Variants in GPM6A observed in about 807,000 individuals in gnomAD.
GPM6A encodes glycoprotein M6A, also known as neuronal membrane glycoprotein M6-a.
GPM6A carries 7 observed loss-of-function variants against 32.1 expected under a neutral mutation model. That is an observed-to-expected ratio of 0.22 (90% CI 0.12 to 0.41). The LOEUF is 0.41. Among genes scored for constraint, GPM6A ranks in the 10% least tolerant of loss-of-function variants. The pLI is 1.00. For missense variants in GPM6A, 235 were observed against 347.2 expected (o/e 0.68, Z 2.57); for synonymous variants, 130 against 123.4 (o/e 1.05, Z -0.35).
intron 1 of GPM6A, among the ~76,000 whole-genome samples, chr4:175,765,286 T>A (rs1330892225): frequency 6.6e-6 from 1 of 152,182 alleles, no homozygotes; most frequent in Non-Finnish European, 1.5e-5. Context: ...ATCACTGGCA[T>A]TGCACTAGAC....
intron 1 of GPM6A, 58 bp from the exon 2 acceptor site, chr4:175,701,825 T>C (rs1304079081): frequency 4.6e-6 from 6 of 1,294,780 alleles, no homozygotes; most frequent in African/African-American, 4.5e-5. Flanking sequence ...TTAATTTTTT[T>C]TTTCAAACTT....
At chr4:175,714,994 GAAAA>G (rs34494840) in intron 1 of GPM6A, among the ~76,000 whole-genome samples, 1 of 105,372 alleles carries the variant, frequency 9.5e-6, no homozygotes. Flanking sequence ...ATCCCTGGAA[GAAAA>G]AAAAAAAAAA....
At chr4:175,835,278 T>C (rs1264863290) in intron 1 of GPM6A, among the ~76,000 whole-genome samples, 1 of 152,138 alleles carries the variant, frequency 6.6e-6, no homozygotes, top group Non-Finnish European at 1.5e-5. Flanking sequence ...ATAGTGGAAA[T>C]TGACTTGCTT....
At chr4:175,779,994 A>C (rs989778942) in intron 1 of GPM6A, among the ~76,000 whole-genome samples, 1 of 151,998 alleles carries the variant, frequency 6.6e-6, no homozygotes, top group Non-Finnish European at 1.5e-5. Flanking sequence ...TGCTCAGTGA[A>C]AAAAAAATAG....
chr4:175,936,750 C>A (rs1422931195), intron 1 of GPM6A, among the ~76,000 whole-genome samples: 1 of 151,832 alleles, frequency 6.6e-6, no homozygotes, highest in Non-Finnish European at 1.5e-5. Flanking sequence ...TACCATAAAG[C>A]TAAAAGATAA....
chr4:175,839,007 T>A (rs1010114306), intron 1 of GPM6A, among the ~76,000 whole-genome samples: 2 of 152,110 alleles, frequency 1.3e-5, no homozygotes, highest in Admixed American at 1.3e-4. Context: ...ACTTCAGGAA[T>A]AATCAAAATA....
At chr4:175,938,720 T>A (rs1483654969) in intron 1 of GPM6A, among the ~76,000 whole-genome samples, 2 of 135,998 alleles carry the variant, frequency 1.5e-5, no homozygotes, top group Admixed American at 1.7e-4. Flanking sequence ...AAAATAAAAA[T>A]TTTTTTAAAG....
intron 1 of GPM6A, among the ~76,000 whole-genome samples, chr4:175,939,499 A>C (rs186407933): frequency 5.4e-4 from 82 of 152,338 alleles, no homozygotes; most frequent in Admixed American, 1.2e-3. Flanking sequence ...TAAAAGTACT[A>C]AATAAAAATC....
rs533578735 is a variant in GPM6A, at chr4:175,837,370, A to G, written c.-22-25121T>C. On this transcript the variant is annotated intron_variant, in intron 1 of 7. Transcript: ENST00000280187. Reference sequence around the variant, plus strand: ...GCATGTGATGTTTTAAGCTAAATTGATGGTAATTTGTTACAGCAGCAATAG... The same window carrying G: ...GCATGTGATGTTTTAAGCTAAATTGGTGGTAATTTGTTACAGCAGCAATAG... Among the ~76,000 whole-genome samples the G allele has an allele frequency of 5.3e-5, 8 of 152,300 alleles. No homozygotes were observed. In the South Asian group the frequency reaches 1.5e-3, roughly 28 times the overall value.
At chr4:175,690,380 G>C (rs536643119) in intron 2 of GPM6A, among the ~76,000 whole-genome samples, 1 of 152,176 alleles carries the variant, frequency 6.6e-6, no homozygotes, top group African/African-American at 2.4e-5. Flanking sequence ...CCTAAGTTAT[G>C]TGTTAATTTC....
rs78052895 is a variant in GPM6A, at chr4:175,717,275, C to A, written c.38-15508G>T. Among the ~76,000 whole-genome samples the A allele has an allele frequency of 2.6e-5, 4 of 152,280 alleles. 1 individual carries two copies. The East Asian group carries it at 7.7e-4, about 29-fold the overall frequency. On this transcript the variant is annotated intron_variant, in intron 1 of 6. Coordinates refer to ENST00000393658, the MANE Select transcript of GPM6A (RefSeq NM_201591.3). The stretch of plus-strand genomic sequence containing the variant: ...CTTCCTGCTTACAGCTTAAATATCT[C>A]TTCCTTAGAGAGAATCCCTTTACTG...
At chr4:175,999,340 A>C (rs2126474356) in intron 1 of GPM6A, among the ~76,000 whole-genome samples, 1 of 152,322 alleles carries the variant, frequency 6.6e-6, no homozygotes, top group Admixed American at 6.5e-5. Context: ...AAATACTCTT[A>C]GCAATGTGTT....
At chr4:175,649,795 A>T (rs961722325) in intron 4 of GPM6A, among the ~76,000 whole-genome samples, 1 of 152,242 alleles carries the variant, frequency 6.6e-6, no homozygotes, top group Non-Finnish European at 1.5e-5. Flanking sequence ...TCATTTTAGT[A>T]TAACTATATC....
At chr4:175,773,294 T>C (rs1733261925) in intron 1 of GPM6A, among the ~76,000 whole-genome samples, 1 of 152,172 alleles carries the variant, frequency 6.6e-6, no homozygotes, top group Non-Finnish European at 1.5e-5. Flanking sequence ...TGGAGAAAAA[T>C]CTCTATTCTT....
intron 1 of GPM6A, among the ~76,000 whole-genome samples, chr4:175,724,427 C>T (rs147300233): frequency 0.042 from 6,363 of 152,202 alleles, 177 homozygotes; most frequent in Non-Finnish European, 0.062. Context: ...GCCTGTAATC[C>T]CAGCTACTCG....
At chr4:175,980,296 G>T (rs1216183358) in intron 1 of GPM6A, among the ~76,000 whole-genome samples, 1 of 152,214 alleles carries the variant, frequency 6.6e-6, no homozygotes, top group Non-Finnish European at 1.5e-5. Flanking sequence ...GATGGAGATT[G>T]CAGTGAGCCC....
upstream of GPM6A, chr4:175,813,261 C>T (rs1734999513): frequency 6.0e-6 from 1 of 166,296 alleles, no homozygotes; most frequent in East Asian, 1.9e-4. Context: ...AGATAAGAAA[C>T]AAGAGGATAG....
chr4:175,929,556 C>T (rs569520881), intron 1 of GPM6A, among the ~76,000 whole-genome samples: 2 of 152,224 alleles, frequency 1.3e-5, no homozygotes, highest in African/African-American at 2.4e-5. Context: ...GGCATGTATA[C>T]GACTTGCCAG....
intron 1 of GPM6A, among the ~76,000 whole-genome samples, chr4:175,917,539 T>C (rs7438439): frequency 0.73 from 111,276 of 152,120 alleles, 43,315 homozygotes; most frequent in Non-Finnish European, 0.86. Flanking sequence ...ACAGGCTGAC[T>C]GGATTATACA....
Sources: gnomAD v4.1 joint callset for allele counts (sites outside exome capture counted in the v4.1 genomes callset) on GRCh38, gnomAD v4.1.1 for gene constraint, MANE v1.5 for transcripts, NCBI Gene and HGNC (gene_info 2026-07-23, HGNC 2026-07-21) for gene names.